The following THBS4 variants were observed in gnomAD, a reference collection of about 807,000 sequenced individuals.
THBS4 encodes thrombospondin-4.
THBS4 carries 90 observed loss-of-function variants against 115.7 expected under a neutral mutation model. That is an observed-to-expected ratio of 0.78 (90% CI 0.66 to 0.93). The LOEUF is 0.93. Among genes scored for constraint, THBS4 ranks in the 40% least tolerant of loss-of-function variants. THBS4 has a pLI of 0.00. For missense variants in THBS4, 1,087 were observed against 1,232.7 expected (o/e 0.88, Z 1.77); for synonymous variants, 460 against 479.3 (o/e 0.96, Z 0.53).
chr5:80,077,975 GC>G, intron 16 of THBS4, 73 bp from the exon 17 acceptor site: 1 of 1,331,774 alleles, frequency 7.5e-7, no homozygotes, highest in Non-Finnish European at 1.0e-6. Context: ...TCCTCATGCA[GC>G]CCCCTTCCCT....
In THBS4 at chr5:80,035,445, C is replaced by A; in HGVS notation, c.-93C>A. ...GGGTCACCTGCGGCGCCGGCCCGGG[C>A]GCCGACCGAGGTTCAACGCACGGCC... On this transcript the variant is annotated 5_prime_UTR_variant, in exon 1 of 22. Coordinates refer to ENST00000350881, the MANE Select transcript of THBS4 (RefSeq NM_003248.6). This position sits in a 1 kb window ranked among gnomAD's most constrained non-coding sequence, Gnocchi z 4.6. The A allele has an allele frequency of 1.1e-6, 1 of 895,286 alleles. No individual in the cohort carries two copies. Among genetic ancestry groups the A allele is most frequent in the Non-Finnish European group, 1.5e-6 (1 of 686,400 alleles). 55.5% of individuals were successfully genotyped at this position (895,286 alleles called of 1,614,324 possible). A position where few individuals can be genotyped will look rare whatever the true frequency, so the allele number is the denominator to read the frequency against.
chr5:80,032,977 G>GT (rs1411390844), upstream of THBS4, among the ~76,000 whole-genome samples: 2 of 152,112 alleles, frequency 1.3e-5, no homozygotes, highest in Admixed American at 6.5e-5. Flanking sequence ...AAAATTCCTA[G>GT]TTTTTTTGTT....
chr5:80,003,421 TG>T (rs1831949463), intron 2 of THBS4, among the ~76,000 whole-genome samples: 1 of 152,080 alleles, frequency 6.6e-6, no homozygotes, highest in South Asian at 2.1e-4. Context: ...AGTGAGCTTT[TG>T]GAAGGGTTAG....
At chr5:80,045,072 A>C (rs180946761) in intron 2 of THBS4, among the ~76,000 whole-genome samples, 1 of 152,208 alleles carries the variant, frequency 6.6e-6, no homozygotes, top group Admixed American at 6.5e-5. Context: ...CAAGAACTGA[A>C]TTATATAAGG....
Position 80,079,253 on chromosome 5 carries a change from C to A in THBS4, c.2506C>A (p.Leu836Ile). 1 of 1,608,100 alleles carries A rather than the reference C, an allele frequency of 6.2e-7. No homozygotes were observed. Among genetic ancestry groups the A allele is most frequent in the Non-Finnish European group, 8.5e-7 (1 of 1,176,786 alleles). ...AGCAGTTGCAGAACCTGGCATTCAG[C>A]TCAAGGTATTGGTGGTTTGAAGTCA... The part of the protein sequence containing the change: ...FRAVAEPGIQ[L>I]KAVKSKTGPG... The change falls in exon 19 of 22, where the codon CTC becomes ATC. Residue 836 changes from leucine to isoleucine, a missense_variant. Transcript: ENST00000350881.
chr5:79,995,263 A>G (rs1465181561), intron 1 of THBS4, among the ~76,000 whole-genome samples: 1 of 152,234 alleles, frequency 6.6e-6, no homozygotes, highest in African/African-American at 2.4e-5. Context: ...CATGGACATT[A>G]TAAGAAGAAG....
intron 1 of THBS4, among the ~76,000 whole-genome samples, chr5:79,997,932 T>G (rs1328688769): frequency 6.6e-6 from 1 of 152,146 alleles, no homozygotes; most frequent in African/African-American, 2.4e-5. Flanking sequence ...AAAAGAAATA[T>G]ATACAATTGA....
Position 80,072,285 on chromosome 5 carries a change from A to G in THBS4, c.1728A>G (p.Lys576=), listed in dbSNP as rs371433798. The G allele has an allele frequency of 3.1e-6, 5 of 1,614,034 alleles. No homozygotes were observed. The African/African-American group carries it at 6.7e-5, about 22-fold the overall frequency. ...CDDDMDGDGI[K]NILDNCPKFP... is the part of the protein sequence containing the mutation. ...AGCATTTCTTTCTCACAGGAATAAAAAACATTCTGGACAACTGCCCAAAAT... is the reference window on the plus strand; with the variant it reads ...AGCATTTCTTTCTCACAGGAATAAAGAACATTCTGGACAACTGCCCAAAAT... The change falls in exon 14 of 22, where the codon AAA becomes AAG. Residue 576 remains lysine (K), a synonymous_variant. Transcript: ENST00000350881.
chr5:80,042,150 G>A (rs1832922589), intron 2 of THBS4, among the ~76,000 whole-genome samples: 3 of 152,200 alleles, frequency 2.0e-5, no homozygotes, highest in South Asian at 4.1e-4. Flanking sequence ...GACATGGCCA[G>A]CAGATGGGTC....
chr5:80,042,850 C>T (rs1183353878), intron 2 of THBS4, among the ~76,000 whole-genome samples: 4 of 152,122 alleles, frequency 2.6e-5, no homozygotes. Flanking sequence ...CCTATAGTCA[C>T]AGCTACTCGG....
chr5:80,037,201 C>T (rs964963342), intron 1 of THBS4, among the ~76,000 whole-genome samples: 18 of 152,136 alleles, frequency 1.2e-4, no homozygotes, highest in Non-Finnish European at 2.1e-4. Flanking sequence ...AGGTATGTCT[C>T]AGACATACCT....
At position 80,080,053 on chromosome 5, in the gene THBS4, A is replaced by G. The variant is rs1185881809; in HGVS notation, c.2660A>G (p.His887Arg). 2 of 1,613,964 alleles carry G rather than the reference A, an allele frequency of 1.2e-6. No homozygotes were observed. Among genetic ancestry groups the G allele is most frequent in the East Asian group, 4.5e-5 (2 of 44,886 alleles). ...DKVSYRWFLQ[H>R]RPQVGYIRVR... Reference sequence around the variant, plus strand: ...GTGTCCTACCGCTGGTTCCTACAGCACAGGCCCCAGGTGGGCTACATCAGG... The same window carrying G: ...GTGTCCTACCGCTGGTTCCTACAGCGCAGGCCCCAGGTGGGCTACATCAGG... The change falls in exon 20 of 22, where the codon CAC becomes CGC. Residue 887 changes from histidine (H) to arginine (R), a missense_variant. Coordinates refer to ENST00000350881, the MANE Select transcript of THBS4 (RefSeq NM_003248.6).
Position 80,073,586 on chromosome 5 carries a change from A to G in THBS4, c.1892+259A>G, listed in dbSNP as rs191479196. 4.5e-3 allele frequency among the ~76,000 whole-genome samples: 688 copies of G among 152,176 alleles called. 8 individuals are homozygous for G. The highest frequency in any genetic ancestry group is 0.016 in the African/African-American group (661 of 41,518). On this transcript the variant is annotated intron_variant, in intron 15 of 21. Coordinates refer to ENST00000350881, the MANE Select transcript of THBS4 (RefSeq NM_003248.6). ...TTTTCAGTAGAGACGGGGTTTCACC[A>G]TGTTAGCCAGGATGGTCTCGATCTC...
chr5:80,012,295 G>C (rs894824411), intron 2 of THBS4, among the ~76,000 whole-genome samples: 1 of 152,246 alleles, frequency 6.6e-6, no homozygotes, highest in South Asian at 2.1e-4. Flanking sequence ...CCACCTCTAG[G>C]ATGAGCATAA....
At chr5:80,072,544 G>A (rs1834106366) in intron 14 of THBS4, 148 bp downstream of exon 14, 1 of 720,142 alleles carries the variant, frequency 1.4e-6, no homozygotes, top group South Asian at 1.7e-5. Flanking sequence ...CACACTGTGG[G>A]CCTGAAGATG....
chr5:79,999,587 C>T (rs1164406940), intron 2 of THBS4, among the ~76,000 whole-genome samples: 3 of 152,148 alleles, frequency 2.0e-5, no homozygotes, highest in African/African-American at 7.2e-5. Flanking sequence ...AATAGGCTGC[C>T]ATCGATAATG....
intron 19 of THBS4, 114 bp from the exon 20 acceptor site, chr5:80,079,791 C>G: frequency 8.6e-7 from 1 of 1,164,324 alleles, no homozygotes; most frequent in South Asian, 1.5e-5. Context: ...GTTCTGAATC[C>G]AAGGCAGCCG....
Position 80,079,986 on chromosome 5 carries a change from C to G in THBS4, c.2593C>G (p.Leu865Val). ...GGGGGACACCAGTGACCAGGTCAGG[C>G]TGCTGTGGAAGGACTCCAGGAATGT... ...HTGDTSDQVR[L>V]LWKDSRNVGW... Residue 865 changes from leucine to valine, a missense_variant, in exon 20 of 22, where the codon CTG becomes GTG. Physicochemically the swap from Leu to Val is conservative, Grantham distance 32. Around this residue, in one of 3 missense-constraint regions of THBS4, gnomAD observed 5 missense variants for 20.8 expected, o/e 0.24. Transcript: ENST00000350881. The G allele has an allele frequency of 1.9e-6, 3 of 1,614,136 alleles. No homozygotes were observed. Among genetic ancestry groups the G allele is most frequent in the Non-Finnish European group, 2.5e-6 (3 of 1,180,020 alleles).
intron 1 of THBS4, among the ~76,000 whole-genome samples, chr5:79,996,982 G>A (rs1403715555): frequency 6.6e-6 from 1 of 150,500 alleles, no homozygotes; most frequent in African/African-American, 2.4e-5. Context: ...TAGCCACTAA[G>A]AGAACTATAC....
Sources: gnomAD v4.1 joint callset for allele counts (sites outside exome capture counted in the v4.1 genomes callset) on GRCh38, gnomAD v4.1.1 for gene constraint, gnomAD v4.1.1 regional missense constraint, Gnocchi (gnomAD v3.1) non-coding constraint, MANE v1.5 for transcripts, NCBI Gene and HGNC (gene_info 2026-07-23, HGNC 2026-07-21) for gene names.